Variants in RNF125 observed in about 807,000 individuals in gnomAD.
RNF125 encodes the protein E3 ubiquitin-protein ligase RNF125.
In RNF125, 21 loss-of-function variants were observed where a neutral mutation model predicts 26.0. The observed-to-expected ratio is 0.81, with a 90% CI of 0.57 to 1.16. The LOEUF (loss-of-function observed/expected upper bound fraction) is 1.16, where lower values mean the gene tolerates loss of function less well. RNF125 is among the 50% of genes most tolerant of loss of function. The pLI is 0.00. For synonymous variants in RNF125, 95 were observed against 109.2 expected (o/e 0.87, Z 0.81); for missense variants, 270 against 299.4 (o/e 0.90, Z 0.72).
intron 4 of RNF125, among the ~76,000 whole-genome samples, chr18:32,052,151 G>A (rs1458934534): frequency 1.3e-5 from 2 of 152,024 alleles, no homozygotes; most frequent in Admixed American, 1.3e-4. Context: ...ATGCGACAGT[G>A]GAGATCTATG....
chr18:32,050,847 GTC>G (rs970265442), intron 4 of RNF125, among the ~76,000 whole-genome samples: 20 of 106,962 alleles, frequency 1.9e-4, no homozygotes, highest in African/African-American at 2.6e-4. Context: ...CCTCCAGCTA[GTC>G]TCTCGGTCTA....
intron 4 of RNF125, among the ~76,000 whole-genome samples, chr18:32,060,095 TGAAAA>T (rs2039420965): frequency 1.3e-5 from 2 of 152,260 alleles, no homozygotes; most frequent in South Asian, 4.1e-4. Flanking sequence ...TATGGTTTCT[TGAAAA>T]GAAAGAACAA....
At chr18:32,052,005 A>G (rs184721212) in intron 4 of RNF125, among the ~76,000 whole-genome samples, 21 of 151,848 alleles carry the variant, frequency 1.4e-4, no homozygotes, top group South Asian at 4.2e-4. Flanking sequence ...TATATTTTCA[A>G]TGTTACCCTG....
At chr18:32,080,177 C>T in the RNF125 span, among the ~76,000 whole-genome samples, 4 of 152,102 alleles carry the variant, frequency 2.6e-5, no homozygotes. Context: ...TACAGGCACG[C>T]GCCACCACGC....
intron 4 of RNF125, among the ~76,000 whole-genome samples, chr18:32,054,805 G>C (rs1291304464): frequency 6.6e-6 from 1 of 152,166 alleles, no homozygotes; most frequent in East Asian, 1.9e-4. Flanking sequence ...TGTGTGTCAA[G>C]TTATGCTAGG....
chr18:32,083,790 C>A, the RNF125 span, among the ~76,000 whole-genome samples: 2 of 151,898 alleles, frequency 1.3e-5, no homozygotes, highest in Non-Finnish European at 2.9e-5. Flanking sequence ...ATGGTTCTCA[C>A]TACTCAGGAG....
In RNF125 at chr18:32,018,958, T is replaced by G; in HGVS notation, c.95T>G (p.Val32Gly). 6.2e-7 allele frequency: 1 copy of G among 1,613,738 alleles called. No homozygotes were observed. The highest frequency in any genetic ancestry group is 1.1e-5 in the South Asian group (1 of 91,042). ...CGCAGGAGGGACCCGGAGTTGCCCGTCACGTCCTTCGACTGCGCCGTGTGC... is the reference window on the plus strand; with the variant it reads ...CGCAGGAGGGACCCGGAGTTGCCCGGCACGTCCTTCGACTGCGCCGTGTGC... Reference protein sequence around the residue: ...LERRRDPELPVTSFDCAVCLE... With the variant: ...LERRRDPELPGTSFDCAVCLE... The change falls in exon 1 of 6, where the codon GTC becomes GGC. Residue 32 changes from valine to glycine, a missense_variant. Transcript: ENST00000217740.
intron 1 of RNF125, among the ~76,000 whole-genome samples, chr18:32,024,227 G>T (rs2039012576): frequency 1.6e-5 from 2 of 127,626 alleles, no homozygotes; most frequent in Admixed American, 8.7e-5. Flanking sequence ...TTTTAAGATG[G>T]AGTCTCACTG....
intron 4 of RNF125, among the ~76,000 whole-genome samples, chr18:32,052,609 G>A (rs57264191): frequency 0.092 from 13,928 of 152,076 alleles, 2,086 homozygotes; most frequent in African/African-American, 0.32. Flanking sequence ...TGGATTGAGT[G>A]ACCTTTAATT....
chr18:32,086,050 C>T, the RNF125 span, among the ~76,000 whole-genome samples: 2 of 152,106 alleles, frequency 1.3e-5, no homozygotes, highest in African/African-American at 4.8e-5. Context: ...TTGAATAATT[C>T]AAATATTAAT....
intron 5 of RNF125, among the ~76,000 whole-genome samples, chr18:32,067,635 C>G (rs1043886561): frequency 5.3e-5 from 8 of 152,150 alleles, no homozygotes; most frequent in African/African-American, 1.9e-4. Flanking sequence ...TAAGAACAAG[C>G]CAGTATCAAG....
At chr18:32,035,360 A>G (rs1368088172) in intron 1 of RNF125, among the ~76,000 whole-genome samples, 2 of 152,218 alleles carry the variant, frequency 1.3e-5, no homozygotes, top group Admixed American at 1.3e-4. Context: ...AAATTCAAAC[A>G]TAATAAGAAA....
At chr18:32,031,567 A>G (rs2039096900) in intron 1 of RNF125, among the ~76,000 whole-genome samples, 1 of 151,658 alleles carries the variant, frequency 6.6e-6, no homozygotes, top group Admixed American at 6.6e-5. Flanking sequence ...CCTCTAAATA[A>G]TGTAAGCAAA....
intron 3 of RNF125, among the ~76,000 whole-genome samples, chr18:32,044,779 A>G (rs917312348): frequency 1.3e-5 from 2 of 152,184 alleles, no homozygotes; most frequent in Non-Finnish European, 2.9e-5. Context: ...TCACTAGCAT[A>G]TAACTATGTG....
In RNF125 at chr18:32,069,289, A is replaced by G. The variant is rs2039513288; in HGVS notation, c.*905A>G. 1 of 152,066 alleles carries G rather than the reference A, an allele frequency of 6.6e-6. No homozygotes were observed. The highest frequency in any genetic ancestry group is 1.5e-5 in the Non-Finnish European group (1 of 68,022). 9.4% of individuals were successfully genotyped at this position (152,066 alleles called of 1,614,324 possible). A position where few individuals can be genotyped will look rare whatever the true frequency, so the allele number is the denominator to read the frequency against. On this transcript the variant is annotated 3_prime_UTR_variant, in exon 6 of 6. Coordinates refer to ENST00000217740, the MANE Select transcript of RNF125 (RefSeq NM_017831.4). ...ATTTTGTGTTAGAAAAGTATACTTA[A>G]TTCTTTGACTTTTTATAACTGCATA...
intron 4 of RNF125, among the ~76,000 whole-genome samples, chr18:32,046,643 A>C (rs766578765): frequency 6.6e-6 from 1 of 151,724 alleles, no homozygotes; most frequent in Non-Finnish European, 1.5e-5. Flanking sequence ...ATGACACTAC[A>C]CTAGAAACAA....
chr18:32,028,802 C>T (rs2039065303), intron 1 of RNF125, among the ~76,000 whole-genome samples: 1 of 152,054 alleles, frequency 6.6e-6, no homozygotes, highest in African/African-American at 2.4e-5. Flanking sequence ...GATCTGCCCA[C>T]CTCAGCCTCC....
downstream of RNF125, chr18:32,076,282 A>G (rs1299085945): frequency 2.9e-6 from 1 of 346,122 alleles, no homozygotes; most frequent in Non-Finnish European, 5.5e-6. Flanking sequence ...TTGTGGTGAC[A>G]TGGAAAGATT....
At chr18:32,077,616 C>A (rs1395355156), downstream of RNF125, among the ~76,000 whole-genome samples, 1 of 151,978 alleles carries the variant, frequency 6.6e-6, no homozygotes, top group Non-Finnish European at 1.5e-5. Context: ...CCACCTCGGC[C>A]TCCCAAATTG....
Sources: gnomAD v4.1 joint callset for allele counts (sites outside exome capture counted in the v4.1 genomes callset) on GRCh38, gnomAD v4.1.1 for gene constraint, MANE v1.5 for transcripts, NCBI Gene and HGNC (gene_info 2026-07-23, HGNC 2026-07-21) for gene names.